Variants in NUDT4 observed in about 807,000 individuals in gnomAD.
The protein encoded by NUDT4 is nudix hydrolase 4, also known as diphosphoinositol polyphosphate phosphohydrolase 2.
NUDT4 carries 5 observed loss-of-function variants against 23.1 expected under a neutral mutation model. That is an observed-to-expected ratio of 0.22 (90% confidence interval 0.11 to 0.46). The LOEUF (loss-of-function observed/expected upper bound fraction) is 0.46. NUDT4 is among the 20% of genes least tolerant of loss of function. The probability of loss-of-function intolerance (pLI) is 0.99; values close to 1 mark genes in which losing one functional copy is unlikely to be tolerated. For synonymous variants in NUDT4, 50 were observed against 79.0 expected (o/e 0.63, Z 1.95); for missense variants, 96 against 211.6 (o/e 0.45, Z 3.39).
intron 1 of NUDT4, among the ~76,000 whole-genome samples, chr12:93,386,851 C>T (rs1041631507): frequency 6.6e-6 from 1 of 152,116 alleles, no homozygotes; most frequent in Non-Finnish European, 1.5e-5. Context: ...ACTGGAAGAA[C>T]ATAGCTAAAT....
intron 3 of NUDT4, among the ~76,000 whole-genome samples, chr12:93,396,769 C>T (rs1050029012): frequency 5.3e-5 from 8 of 152,044 alleles, no homozygotes; most frequent in African/African-American, 1.2e-4. Flanking sequence ...AAAAATTAGC[C>T]GGGCATGGTG....
chr12:93,386,039 A>G (rs957019883), intron 1 of NUDT4, among the ~76,000 whole-genome samples: 8 of 149,788 alleles, frequency 5.3e-5, no homozygotes, highest in African/African-American at 2.0e-4. Flanking sequence ...GCAGTGGCAC[A>G]ATCATGGCTC....
Position 93,394,728 on chromosome 12 carries a change from T to C in NUDT4, c.210+9T>C, listed in dbSNP as rs1406585439. On this transcript the variant is annotated intron_variant, in intron 2 of 4. Transcript: ENST00000415493. ...GGGAAGTTTATGAGGAGGTGAGATG[T>C]TCTTTCACACAAATTCTGTTTCGGA... 2 of 1,503,484 alleles carry C rather than the reference T, an allele frequency of 1.3e-6. No homozygotes were observed. Among genetic ancestry groups the C allele is most frequent in the African/African-American group, 1.4e-5 (1 of 72,108 alleles). 93.1% of individuals were successfully genotyped at this position (1,503,484 alleles called of 1,614,324 possible). A position where few individuals can be genotyped will look rare whatever the true frequency, so the allele number is the denominator to read the frequency against.
Position 93,403,741 on chromosome 12 carries a change from G to A in NUDT4, c.*4362G>A, listed in dbSNP as rs1430538546. The A allele has an allele frequency of 6.6e-6, 1 of 152,190 alleles. No individual in the cohort carries two copies. The highest frequency in any genetic ancestry group is 1.9e-4 in the East Asian group (1 of 5,202). The allele number at this position is 152,190 out of a possible 1,614,324, so 9.4% of individuals were successfully genotyped here. A position where few individuals can be genotyped will look rare whatever the true frequency, so the allele number is the denominator to read the frequency against. ...GTAGACGTGATTTCCCCCACCAAAT[G>A]CACATTTTATGGAGCTCTAGGACAA... On this transcript the variant is annotated 3_prime_UTR_variant, in exon 5 of 5. Coordinates refer to ENST00000415493, the MANE Select transcript of NUDT4 (RefSeq NM_019094.6).
At chr12:93,396,226 T>TA (rs1876924307) in intron 3 of NUDT4, among the ~76,000 whole-genome samples, 1 of 152,096 alleles carries the variant, frequency 6.6e-6, no homozygotes, top group African/African-American at 2.4e-5. Context: ...GCAAATATTA[T>TA]ATGATACACC....
intron 3 of NUDT4, among the ~76,000 whole-genome samples, chr12:93,395,961 C>G (rs1028740636): frequency 1.3e-5 from 2 of 152,262 alleles, no homozygotes; most frequent in Non-Finnish European, 2.9e-5. Flanking sequence ...CCTAGTGATC[C>G]GCCCACCTCG....
rs981368691 is a variant in NUDT4 at position 93,404,249 on chromosome 12, A to C, written c.*4870A>C. The C allele has an allele frequency of 2.0e-5, 3 of 152,244 alleles. No homozygotes were observed. The highest frequency in any genetic ancestry group is 2.0e-4 in the Admixed American group (3 of 15,290). 9.4% of individuals were successfully genotyped at this position (152,244 alleles called of 1,614,324 possible). A position where few individuals can be genotyped will look rare whatever the true frequency, so the allele number is the denominator to read the frequency against. On this transcript the variant is annotated 3_prime_UTR_variant, in exon 5 of 5. Transcript: ENST00000415493. Reference sequence around the variant, plus strand: ...GGGAATGTGGACAAAGACATATACCAAGACAAGGCACTAGAGTGAAAAGCC... The same window carrying C: ...GGGAATGTGGACAAAGACATATACCCAGACAAGGCACTAGAGTGAAAAGCC...
intron 4 of NUDT4, 98 bp from the exon 5 acceptor site, chr12:93,399,079 G>T (rs1877155039): frequency 3.6e-6 from 3 of 844,838 alleles, no homozygotes; most frequent in Non-Finnish European, 5.9e-6. Context: ...CCAACATATT[G>T]TTGTCTAAGT....
chr12:93,389,557 G>A (rs1391232231), intron 1 of NUDT4, among the ~76,000 whole-genome samples: 1 of 152,062 alleles, frequency 6.6e-6, no homozygotes, highest in Non-Finnish European at 1.5e-5. Flanking sequence ...ACTCATTTTT[G>A]GAAGAAAAGT....
chr12:93,397,583 G>T (rs957961465), intron 3 of NUDT4, among the ~76,000 whole-genome samples: 8 of 151,824 alleles, frequency 5.3e-5, no homozygotes, highest in African/African-American at 1.9e-4. Context: ...CTTTAGTGCA[G>T]TGGCATGATC....
intron 3 of NUDT4, among the ~76,000 whole-genome samples, chr12:93,398,092 CAGCACTTTGGGAGGCCG>C: frequency 6.6e-6 from 1 of 152,020 alleles, no homozygotes; most frequent in Admixed American, 6.5e-5. Flanking sequence ...CCTGTAATCC[CAGCACTTTGGGAGGCCG>C]AGGTGGGTGG....
intron 1 of NUDT4, among the ~76,000 whole-genome samples, chr12:93,387,353 C>G (rs1241846096): frequency 6.6e-6 from 1 of 152,124 alleles, no homozygotes; most frequent in African/African-American, 2.4e-5. Context: ...CAACAGATTC[C>G]AAGTGAATTC....
rs1185270983 is a variant in NUDT4 at position 93,399,367 on chromosome 12, T to C, written c.531T>C (p.Ser177=). ...CTGCACAGACCTCTGGGTTGCCATC[T>C]AGTGTAAGATAGAGAGAACTGGGTA... ...VTAAQTSGLP[S]SVR is the part of the protein sequence containing the mutation. The change falls in exon 5 of 5, where the codon TCT becomes TCC. Residue 177 remains serine, a synonymous_variant. Transcript: ENST00000415493. 2.1e-5 allele frequency: 16 copies of C among 767,636 alleles called. No individual in the cohort carries two copies. Among genetic ancestry groups the C allele is most frequent in the Non-Finnish European group, 3.5e-5 (16 of 461,792 alleles). 47.6% of individuals were successfully genotyped at this position (767,636 alleles called of 1,614,324 possible).
intron 1 of NUDT4, chr12:93,378,893 C>A: frequency 1.7e-6 from 1 of 589,926 alleles, no homozygotes; most frequent in Non-Finnish European, 2.1e-6. Context: ...TGTGGAGTAA[C>A]AGACAGTCCT....
chr12:93,405,915 A>G lies in NUDT4; in HGVS notation c.*6536A>G, dbSNP rs1877785855. On this transcript the variant is annotated 3_prime_UTR_variant, in exon 5 of 5. Coordinates refer to ENST00000415493, the MANE Select transcript of NUDT4 (RefSeq NM_019094.6). Reference sequence around the variant, plus strand: ...AAATTAGGTACCCTATTATCATGGTATTTTCTTTTTTGGCCAGCTTTTCTA... The same window carrying G: ...AAATTAGGTACCCTATTATCATGGTGTTTTCTTTTTTGGCCAGCTTTTCTA... The G allele has an allele frequency of 6.6e-6, 1 of 152,042 alleles. No individual in the cohort carries two copies. Among genetic ancestry groups the G allele is most frequent in the Non-Finnish European group, 1.5e-5 (1 of 67,988 alleles). The allele number at this position is 152,042 out of a possible 1,614,324, so 9.4% of individuals were successfully genotyped here. A position where few individuals can be genotyped will look rare whatever the true frequency, so the allele number is the denominator to read the frequency against.
intron 1 of NUDT4, among the ~76,000 whole-genome samples, chr12:93,382,894 C>T (rs2120864561): frequency 6.6e-6 from 1 of 152,066 alleles, no homozygotes; most frequent in Non-Finnish European, 1.5e-5. Context: ...ATCTCCTGAC[C>T]TTGTGATTTA....
At chr12:93,397,520 T>C (rs1877016856) in intron 3 of NUDT4, among the ~76,000 whole-genome samples, 1 of 150,732 alleles carries the variant, frequency 6.6e-6, no homozygotes, top group Admixed American at 6.6e-5. Flanking sequence ...GTTGCCTGTT[T>C]TATTTAATTT....
At chr12:93,393,090 CTTT>C (rs143810374) in intron 1 of NUDT4, among the ~76,000 whole-genome samples, 145 of 114,854 alleles carry the variant, frequency 1.3e-3, no homozygotes, top group African/African-American at 4.7e-3. Flanking sequence ...AGATTTCAGT[CTTT>C]TTTTTTTTTT....
rs1376675406 is a variant in NUDT4, at chr12:93,400,852, C to T, written c.*1473C>T. 1 of 152,704 alleles carries T rather than the reference C, an allele frequency of 6.5e-6. No individual in the cohort carries two copies. The highest frequency in any genetic ancestry group is 1.5e-5 in the Non-Finnish European group (1 of 68,368). 9.5% of individuals were successfully genotyped at this position (152,704 alleles called of 1,614,324 possible). On this transcript the variant is annotated 3_prime_UTR_variant, in exon 5 of 5. Transcript: ENST00000415493. The stretch of plus-strand genomic sequence containing the variant: ...TCAAACTCCTAACCTCGTGATCCGC[C>T]TGCCTCGACCTCCCAAAGTGCTGGG...
Sources: allele counts gnomAD v4.1 joint callset (sites outside exome capture counted in the v4.1 genomes callset), GRCh38; gene constraint gnomAD v4.1.1; transcripts MANE v1.5; gene names NCBI Gene and HGNC (gene_info 2026-07-23, HGNC 2026-07-21).